The following CDC34 variants were observed in gnomAD, a reference collection of about 807,000 sequenced individuals.
The protein encoded by CDC34 is ubiquitin-conjugating enzyme E2 R1.
Under a neutral mutation model 26.8 loss-of-function variants are expected in CDC34, and 18 were observed. The ratio of observed to expected loss-of-function variants is 0.67; its 90% CI spans 0.47 to 1.00. The LOEUF is 1.00. Among genes scored for constraint, CDC34 ranks in the 50% least tolerant of loss-of-function variants. The pLI, the probability that CDC34 is intolerant of heterozygous loss-of-function variation, is 0.00. For missense variants in CDC34, 280 were observed against 334.5 expected, an observed-to-expected ratio of 0.84 and a Z score of 1.27; for synonymous variants, 178 against 147.5, an observed-to-expected ratio of 1.21 and a Z score of -1.50.
At chr19:537,219 G>T (rs1050751198) in intron 4 of CDC34, 72 bp downstream of exon 4, 9 of 1,550,608 alleles carry the variant, frequency 5.8e-6, no homozygotes, top group Non-Finnish European at 7.9e-6. Context: ...TGGTCCCACG[G>T]CCGCCCAGCC....
intron 2 of CDC34, 105 bp from the exon 3 acceptor site, chr19:536,138 G>A: frequency 1.0e-6 from 1 of 973,920 alleles, no homozygotes; most frequent in Non-Finnish European, 1.5e-6. Flanking sequence ...CGGGGCGCTG[G>A]GAGCCTCACG....
rs1237580255 is a variant in CDC34 at position 541,606 on chromosome 19, C to T, written c.*54C>T. On this transcript the variant is annotated 3_prime_UTR_variant, in exon 5 of 5. Coordinates refer to ENST00000215574, the MANE Select transcript of CDC34 (RefSeq NM_004359.2). Reference sequence around the variant, plus strand: ...CCTCACTAGGGCCGGACCCGTGGCTCCTTAGACGACAGACTACCTCACGGA... The same window carrying T: ...CCTCACTAGGGCCGGACCCGTGGCTTCTTAGACGACAGACTACCTCACGGA... 1.3e-6 allele frequency: 2 copies of T among 1,499,786 alleles called. No homozygotes were observed. The highest frequency in any genetic ancestry group is 1.8e-6 in the Non-Finnish European group (2 of 1,123,194). The allele number at this position is 1,499,786 out of a possible 1,614,324, so 92.9% of individuals were successfully genotyped here.
chr19:533,197 C>T (rs1342914250), intron 1 of CDC34, among the ~76,000 whole-genome samples: 2 of 152,100 alleles, frequency 1.3e-5, no homozygotes, highest in Non-Finnish European at 2.9e-5. Flanking sequence ...CCTGTGTGAG[C>T]GGTGGGGAAC....
chr19:541,408 G>C lies in CDC34; in HGVS notation c.567G>C (p.Glu189Asp). 2 of 1,612,044 alleles carry C rather than the reference G, an allele frequency of 1.2e-6. No individual in the cohort carries two copies. The highest frequency in any genetic ancestry group is 1.7e-6 in the Non-Finnish European group (2 of 1,179,760). Residue 189 changes from glutamate (E) to aspartate (D), a missense_variant, in exon 5 of 5, where the codon GAG becomes GAC. By Grantham distance (45) the Glu-to-Asp change is conservative. Transcript: ENST00000215574. Reference sequence around the variant, plus strand: ...TGAAGGTGCCCACCACGCTGGCCGAGTACTGCGTGAAGACCAAGGCGCCGG... The same window carrying C: ...TGAAGGTGCCCACCACGCTGGCCGACTACTGCGTGAAGACCAAGGCGCCGG... ...DGVKVPTTLAEYCVKTKAPAP... is the reference protein window; with the variant it reads ...DGVKVPTTLADYCVKTKAPAP...
intron 1 of CDC34, among the ~76,000 whole-genome samples, chr19:534,933 G>C (rs920762788): frequency 6.6e-6 from 1 of 152,118 alleles, no homozygotes; most frequent in South Asian, 2.1e-4. Context: ...CTTCCACCAC[G>C]ATCGCTCTGG....
intron 1 of CDC34, among the ~76,000 whole-genome samples, chr19:534,576 C>G (rs1374884101): frequency 7.6e-6 from 1 of 131,874 alleles, no homozygotes; most frequent in Non-Finnish European, 1.6e-5. Context: ...AGGCCTCGCC[C>G]ACGATCCAAG....
At chr19:534,003 GCTGT>G (rs1169267610) in intron 1 of CDC34, among the ~76,000 whole-genome samples, 3 of 152,256 alleles carry the variant, frequency 2.0e-5, no homozygotes, top group Non-Finnish European at 4.4e-5. Flanking sequence ...CAGCCGACTT[GCTGT>G]CTGCCCTTGG....
At chr19:534,993 C>T (rs1054573639) in intron 1 of CDC34, among the ~76,000 whole-genome samples, 1 of 152,220 alleles carries the variant, frequency 6.6e-6, no homozygotes. Flanking sequence ...GGACCCCTGA[C>T]CCAGACAACC....
chr19:541,215 T>C, intron 4 of CDC34, 124 bp from the exon 5 acceptor site: 2 of 1,271,998 alleles, frequency 1.6e-6, no homozygotes, highest in Non-Finnish European at 2.1e-6. Flanking sequence ...TCCTAAGTGG[T>C]CGCCACACGC....
intron 3 of CDC34, 55 bp downstream of exon 3, chr19:536,395 G>A (rs17841749): frequency 1.2e-4 from 167 of 1,341,034 alleles, no homozygotes; most frequent in East Asian, 8.8e-4. Context: ...GCCGGGCTCC[G>A]TCCCGTATCC....
chr19:541,873 G>A lies in CDC34; in HGVS notation c.*321G>A, dbSNP rs1980036231. On this transcript the variant is annotated 3_prime_UTR_variant, in exon 5 of 5. Coordinates refer to ENST00000215574, the MANE Select transcript of CDC34 (RefSeq NM_004359.2). ...GCTTCCGGACTGGCCGCACCCCGGA[G>A]GAGCCACGGGGGCGCTGCTGGGAAC... The A allele has an allele frequency of 9.7e-6, 2 of 205,402 alleles. No individual in the cohort carries two copies. The highest frequency in any genetic ancestry group is 2.9e-4 in the South Asian group (2 of 6,864). 12.7% of individuals were successfully genotyped at this position (205,402 alleles called of 1,614,324 possible).
In CDC34 at chr19:537,130, G is replaced by T; in HGVS notation, c.480G>T (p.Glu160Asp). The T allele has an allele frequency of 1.2e-6, 2 of 1,613,556 alleles. No individual in the cohort carries two copies. Among genetic ancestry groups the T allele is most frequent in the Non-Finnish European group, 1.7e-6 (2 of 1,179,948 alleles). Residue 160 changes from glutamate (E) to aspartate (D), a missense_variant, in exon 4 of 5, where the codon GAG becomes GAT. Glu to Asp is a conservative substitution (Grantham distance 45, BLOSUM62 2). Coordinates refer to ENST00000215574, the MANE Select transcript of CDC34 (RefSeq NM_004359.2). ...AAGAGAGCAAGGGGAAGGATCGGGA[G>T]TACACAGACATCATCCGGTGAGGGC... ...KWKESKGKDR[E>D]YTDIIRKQVL... is the part of the protein sequence containing the mutation.
chr19:541,517 G>A lies in CDC34; in HGVS notation c.676G>A (p.Asp226Asn), dbSNP rs1175449924. 3 of 1,607,072 alleles carry A rather than the reference G, an allele frequency of 1.9e-6. No homozygotes were observed. Among genetic ancestry groups the A allele is most frequent in the Non-Finnish European group, 2.6e-6 (3 of 1,175,934 alleles). The stretch of plus-strand genomic sequence containing the variant: ...GGAGGAGGCCGACAGCTGCTTCGGG[G>A]ACGATGAGGATGACTCTGGCACGGA... ...VEEEADSCFG[D>N]DEDDSGTEES The change falls in exon 5 of 5, where the codon GAC becomes AAC. Residue 226 changes from aspartate (D) to asparagine (N), a missense_variant. Asp to Asn is a conservative substitution (Grantham distance 23). Coordinates refer to ENST00000215574, the MANE Select transcript of CDC34 (RefSeq NM_004359.2).
Position 541,541 on chromosome 19 carries a change from G to T in CDC34, c.700G>T (p.Glu234Ter). 6.3e-7 allele frequency: 1 copy of T among 1,590,520 alleles called. No homozygotes were observed. The highest frequency in any genetic ancestry group is 1.7e-5 in the Admixed American group (1 of 58,020). ...GGACGATGAGGATGACTCTGGCACGGAGGAGTCCTGACACCACCAGAATAA... is the reference window on the plus strand; with the variant it reads ...GGACGATGAGGATGACTCTGGCACGTAGGAGTCCTGACACCACCAGAATAA... ...FGDDEDDSGTEES is the reference protein window; with the variant it reads ...FGDDEDDSGT Residue 234 changes from glutamate to a stop codon, truncating the protein, a stop_gained, in exon 5 of 5, where the codon GAG becomes TAG. Transcript: ENST00000215574. LOFTEE classifies it high-confidence loss of function.
Position 541,330 on chromosome 19 carries a change from T to C in CDC34, c.498-9T>C. ...GTGGGTGGCGCCCTCACCCACCCTG[T>C]CCCCCCAGGAAGCAGGTCCTGGGGA... is the stretch of plus-strand genomic sequence containing the variant. On this transcript the variant is annotated splice_polypyrimidine_tract_variant and intron_variant, in intron 4 of 4. Coordinates refer to ENST00000215574, the MANE Select transcript of CDC34 (RefSeq NM_004359.2). 1.9e-6 allele frequency: 3 copies of C among 1,549,886 alleles called. No individual in the cohort carries two copies. The highest frequency in any genetic ancestry group is 1.9e-5 in the Admixed American group (1 of 51,812).
In CDC34 at chr19:537,198, A is replaced by G. The variant is rs904122698; in HGVS notation, c.497+51A>G. 3.8e-6 allele frequency: 6 copies of G among 1,596,468 alleles called. No individual in the cohort carries two copies. The African/African-American group carries it at 8.0e-5, about 21-fold the overall frequency. Reference sequence around the variant, plus strand: ...GAGGAGAGACTCAGATCCGGCCTGCACCCCGGCCCCTGGTCCCACGGCCGC... The same window carrying G: ...GAGGAGAGACTCAGATCCGGCCTGCGCCCCGGCCCCTGGTCCCACGGCCGC... On this transcript the variant is annotated intron_variant, in intron 4 of 4. Coordinates refer to ENST00000215574, the MANE Select transcript of CDC34 (RefSeq NM_004359.2).
chr19:536,559 C>A, intron 3 of CDC34: 2 of 585,190 alleles, frequency 3.4e-6, no homozygotes, highest in South Asian at 4.1e-5. Context: ...AGACTCCCAC[C>A]AGGACCCCAG....
At chr19:535,069 A>G (rs1979677543) in intron 1 of CDC34, among the ~76,000 whole-genome samples, 1 of 152,242 alleles carries the variant, frequency 6.6e-6, no homozygotes, top group South Asian at 2.1e-4. Flanking sequence ...GCTGTGGCCC[A>G]GGAGGGCCGT....
intron 4 of CDC34, 82 bp downstream of exon 4, chr19:537,229 C>A (rs141012488): frequency 0.018 from 27,086 of 1,516,190 alleles, 303 homozygotes; most frequent in Non-Finnish European, 0.022. Flanking sequence ...GCCGCCCAGC[C>A]CCACCTTCCT....
Sources: allele counts gnomAD v4.1 joint callset (sites outside exome capture counted in the v4.1 genomes callset), GRCh38; gene constraint gnomAD v4.1.1; transcripts MANE v1.5; gene names NCBI Gene and HGNC (gene_info 2026-07-23, HGNC 2026-07-21).